The following XAB2 variants were observed in gnomAD, a reference collection of about 807,000 sequenced individuals.
XAB2 encodes pre-mRNA-splicing factor SYF1.
In XAB2, 57 loss-of-function variants were observed where a neutral mutation model predicts 113.4. That is an observed-to-expected ratio of 0.50 (90% CI 0.41 to 0.63). The LOEUF (loss-of-function observed/expected upper bound fraction) is 0.63, where lower values mean the gene tolerates loss of function less well. XAB2 is among the 20% of genes least tolerant of loss of function. The pLI, the probability that XAB2 is intolerant of heterozygous loss-of-function variation, is 0.00. For missense variants in XAB2, 1,037 were observed against 1,233.3 expected (o/e 0.84, Z 2.38); for synonymous variants, 497 against 498.8 (o/e 1.00, Z 0.05).
In XAB2 at chr19:7,620,047, G is replaced by A; in HGVS notation, c.2295C>T (p.Gly765=). 1 of 1,612,238 alleles carries A rather than the reference G, an allele frequency of 6.2e-7. No individual in the cohort carries two copies. The highest frequency in any genetic ancestry group is 8.5e-7 in the Non-Finnish European group (1 of 1,179,980). The part of the protein sequence containing the change: ...TVSDLAPGQS[G]MDDMKLLEQR... Reference sequence around the variant, plus strand: ...GTTCCAGCAGCTTCATGTCGTCCATGCCACTCTGCCCAGGGGCCAGGTCAG... The same window carrying A: ...GTTCCAGCAGCTTCATGTCGTCCATACCACTCTGCCCAGGGGCCAGGTCAG... Residue 765 remains glycine (G), a synonymous_variant, in exon 17 of 19, where the codon GGC becomes GGT. Transcript: ENST00000358368.
At position 7,624,490 on chromosome 19, in the gene XAB2, G is replaced by C. The variant is rs777056409; in HGVS notation, c.823-45C>G. 8.7e-6 allele frequency: 14 copies of C among 1,612,034 alleles called. No individual in the cohort carries two copies. The South Asian group carries it at 1.2e-4, about 14-fold the overall frequency. On this transcript the variant is annotated intron_variant, in intron 6 of 18. Transcript: ENST00000358368. The surrounding 1 kb of genome is among the most constrained non-coding windows in gnomAD (Gnocchi z 4.2). ...GGGAGGTGAGAGGAAAGTGGCGCAG[G>C]GGACAGGCAGCAGCACTCTTAGCAC...
rs1306910347 is a variant in XAB2 at position 7,628,971 on chromosome 19, GAGTA to G, written c.51+502_51+505del. On this transcript the variant is annotated intron_variant, in intron 1 of 18. Coordinates refer to ENST00000358368, the MANE Select transcript of XAB2 (RefSeq NM_020196.3). The surrounding 1 kb of genome is among the most constrained non-coding windows in gnomAD (Gnocchi z 4.6). ...GAAGATGTCACGCCTCTACTCCAGA[GAGTA>G]AGTATTTCACTGGCCATCGCCTGAC... Among the ~76,000 whole-genome samples the G allele has an allele frequency of 5.9e-5, 9 of 152,210 alleles. No homozygotes were observed. The highest frequency in any genetic ancestry group is 2.2e-4 in the African/African-American group (9 of 41,448).
Position 7,626,197 on chromosome 19 carries a change from C to T in XAB2, c.596G>A (p.Arg199His), listed in dbSNP as rs759530793. The change falls in exon 5 of 19, where the codon CGC becomes CAC. Residue 199 changes from arginine (R) to histidine (H), a missense_variant. Transcript: ENST00000358368. Reference protein sequence around the residue: ...SSDRLDEAAQRLATVVNDERF... With the variant: ...SSDRLDEAAQHLATVVNDERF... The stretch of plus-strand genomic sequence containing the variant: ...CTCGTCGTTCACCACGGTGGCCAGG[C>T]GCTGGGCGGCCTCATCCAGCCGGTC... 8 of 1,613,688 alleles carry T rather than the reference C, an allele frequency of 5.0e-6. No homozygotes were observed. Among genetic ancestry groups the T allele is most frequent in the South Asian group, 2.2e-5 (2 of 91,086 alleles).
intron 1 of XAB2, 97 bp downstream of exon 1, chr19:7,629,380 C>T: frequency 2.1e-6 from 3 of 1,456,722 alleles, no homozygotes; most frequent in Non-Finnish European, 2.8e-6. Flanking sequence ...CTGGCAGTTT[C>T]GGCCTAAATC....
At position 7,625,969 on chromosome 19, in the gene XAB2, G is replaced by A. The variant is rs762436456; in HGVS notation, c.733C>T (p.Arg245Cys). The A allele has an allele frequency of 2.5e-5, 41 of 1,613,700 alleles. No homozygotes were observed. Among genetic ancestry groups the A allele is most frequent in the Admixed American group, 6.7e-5 (4 of 59,970 alleles). The change falls in exon 6 of 19, where the codon CGC (arginine) becomes TGC (cysteine). Residue 245 changes from arginine to cysteine, a missense_variant. Transcript: ENST00000358368. This position sits in a 1 kb window ranked among gnomAD's most constrained non-coding sequence, Gnocchi z 5.2. ...VQSLNVDAIIRGGLTRFTDQL... is the reference protein window; with the variant it reads ...VQSLNVDAIICGGLTRFTDQL... ...TCGGTGAAGCGGGTGAGGCCCCCGC[G>A]GATGATGGCGTCCACATTGAGGGAC...
chr19:7,621,592 G>A (rs1293228236), intron 12 of XAB2: 14 of 446,116 alleles, frequency 3.1e-5, no homozygotes, highest in Admixed American at 3.7e-5. Flanking sequence ...GACGCTGGCT[G>A]CCTGTCCCCA....
chr19:7,625,473 CTTTTTT>C lies in XAB2; in HGVS notation c.822+401_822+406del. 9.5e-6 allele frequency among the ~76,000 whole-genome samples: 1 copy of C among 105,320 alleles called. No homozygotes were observed. The highest frequency in any genetic ancestry group is 2.6e-4 in the East Asian group (1 of 3,808). The allele number at this position is 105,320 out of a possible 152,430, so 69.1% of individuals were successfully genotyped here. On this transcript the variant is annotated intron_variant, in intron 6 of 18. Transcript: ENST00000358368. The surrounding 1 kb of genome is among the most constrained non-coding windows in gnomAD (Gnocchi z 5.2). ...ATATGCATGTCTGTCAAAAATGGCA[CTTTTTT>C]TTTTTTTTTTTTTTTTTGAGATGGA...
Position 7,626,036 on chromosome 19 carries a change from G to A in XAB2, c.666C>T (p.His222=), listed in dbSNP as rs758501838. ...KAGKSNYQLW[H]ELCDLISQNP... ...TCTGGGAGATGAGGTCGCACAGCTCGTGCCACAGCTGCAGGGCATGGGGCA... is the reference window on the plus strand; with the variant it reads ...TCTGGGAGATGAGGTCGCACAGCTCATGCCACAGCTGCAGGGCATGGGGCA... Residue 222 remains histidine (H), a synonymous_variant, in exon 6 of 19, where the codon CAC becomes CAT. Transcript: ENST00000358368. 48 of 1,609,304 alleles carry A rather than the reference G, an allele frequency of 3.0e-5. No individual in the cohort carries two copies. Among genetic ancestry groups the A allele is most frequent in the South Asian group, 1.4e-4 (13 of 90,806 alleles).
Position 7,623,679 on chromosome 19 carries a change from G to A in XAB2, c.1119+52C>T. 3.3e-6 allele frequency: 5 copies of A among 1,532,156 alleles called. No homozygotes were observed. Among genetic ancestry groups the A allele is most frequent in the Non-Finnish European group, 4.4e-6 (5 of 1,144,916 alleles). The allele number at this position is 1,532,156 out of a possible 1,614,324, so 94.9% of individuals were successfully genotyped here. On this transcript the variant is annotated intron_variant, in intron 8 of 18. Transcript: ENST00000358368. The surrounding 1 kb of genome is among the most constrained non-coding windows in gnomAD (Gnocchi z 4.6). ...ATGGGTGAAGGTGGGTGGCTCCCCAGTTCTGCAGGAAACTGGCCCTCAGGG... is the reference window on the plus strand; with the variant it reads ...ATGGGTGAAGGTGGGTGGCTCCCCAATTCTGCAGGAAACTGGCCCTCAGGG...
chr19:7,621,180 G>A lies in XAB2; in HGVS notation c.1735C>T (p.Leu579=), dbSNP rs762050831. ...GGRKLERARD[L]FEQALDGCPP... is the part of the protein sequence containing the mutation. ...CAGCCGTCCAGAGCCTGTTCAAACAGGTCCCGTGCCCGCTCCAGCTTGCGG... is the reference window on the plus strand; with the variant it reads ...CAGCCGTCCAGAGCCTGTTCAAACAAGTCCCGTGCCCGCTCCAGCTTGCGG... Residue 579 remains leucine, a synonymous_variant, in exon 13 of 19, where the codon CTG becomes TTG. Coordinates refer to ENST00000358368, the MANE Select transcript of XAB2 (RefSeq NM_020196.3). 2.5e-6 allele frequency: 4 copies of A among 1,594,326 alleles called. No individual in the cohort carries two copies. The highest frequency in any genetic ancestry group is 3.4e-6 in the Non-Finnish European group (4 of 1,170,152).
rs1054303925 is a variant in XAB2 at position 7,624,599 on chromosome 19, C to T, written c.823-154G>A. On this transcript the variant is annotated intron_variant, in intron 6 of 18. Transcript: ENST00000358368. The surrounding 1 kb of genome is among the most constrained non-coding windows in gnomAD (Gnocchi z 4.2). ...GGTAGTGACCCCAGGACAGAGCCTC[C>T]GTGGAGCCTTCTCACCCCCGCCCTG... 9.2e-5 allele frequency among the ~76,000 whole-genome samples: 14 copies of T among 152,200 alleles called. No homozygotes were observed. Among genetic ancestry groups the T allele is most frequent in the African/African-American group, 7.2e-5 (3 of 41,528 alleles).
chr19:7,620,260 G>C lies in XAB2; in HGVS notation c.2266+15C>G, dbSNP rs145820901. 42,569 of 1,612,508 alleles carry C rather than the reference G, an allele frequency of 0.026. 689 individuals are homozygous for C. The highest frequency in any genetic ancestry group is 0.032 in the Non-Finnish European group (38,116 of 1,179,970). On this transcript the variant is annotated intron_variant, in intron 16 of 18. Transcript: ENST00000358368. ...ATGCCCTGGATCAGGAACTCAGCCAGCTGGGACGGCTCACCGGTGCCCGTG... is the reference window on the plus strand; with the variant it reads ...ATGCCCTGGATCAGGAACTCAGCCACCTGGGACGGCTCACCGGTGCCCGTG...
rs2031133423 is a variant in XAB2 at position 7,626,059 on chromosome 19, G to A, written c.658-15C>T. ...TCGTGCCACAGCTGCAGGGCATGGG[G>A]CAGTGGGGGAGAGTCTCAGGCTCAG... On this transcript the variant is annotated splice_polypyrimidine_tract_variant and intron_variant, in intron 5 of 18. Coordinates refer to ENST00000358368, the MANE Select transcript of XAB2 (RefSeq NM_020196.3). 2 of 1,608,540 alleles carry A rather than the reference G, an allele frequency of 1.2e-6. No homozygotes were observed. The highest frequency in any genetic ancestry group is 1.7e-6 in the Non-Finnish European group (2 of 1,175,892).
rs1433909705 is a variant in XAB2 at position 7,622,117 on chromosome 19, G to A, written c.1617+214C>T. Reference sequence around the variant, plus strand: ...ATAGGGAGAAGGCGGCTGTCTGTAAGCTAAGGAGAGAGGCCTCAGGAGGAA... The same window carrying A: ...ATAGGGAGAAGGCGGCTGTCTGTAAACTAAGGAGAGAGGCCTCAGGAGGAA... On this transcript the variant is annotated intron_variant, in intron 12 of 18. Transcript: ENST00000358368. The A allele has an allele frequency of 1.3e-5, 7 of 551,056 alleles. No homozygotes were observed. The East Asian group carries it at 2.2e-4, about 17-fold the overall frequency. 34.1% of individuals were successfully genotyped at this position (551,056 alleles called of 1,614,324 possible).
rs760230977 is a variant in XAB2, at chr19:7,627,379, G to A, written c.386C>T (p.Thr129Ile). ...FLMDQGRVTH[T>I]RRTFDRALRA... ...GAGGGCACGGTCGAAGGTGCGGCGG[G>A]TGTGTGTGACGCGCCCCTGGTCCAT... Residue 129 changes from threonine to isoleucine, a missense_variant, in exon 4 of 19, where the codon ACC (threonine) becomes ATC (isoleucine). Transcript: ENST00000358368. The surrounding 1 kb of genome is among the most constrained non-coding windows in gnomAD (Gnocchi z 4.5). 13 of 1,610,432 alleles carry A rather than the reference G, an allele frequency of 8.1e-6. No homozygotes were observed. Among genetic ancestry groups the A allele is most frequent in the Non-Finnish European group, 1.1e-5 (13 of 1,178,892 alleles).
Position 7,624,210 on chromosome 19 carries a change from C to G in XAB2, c.967+91G>C. 1 of 1,582,802 alleles carries G rather than the reference C, an allele frequency of 6.3e-7. No homozygotes were observed. Among genetic ancestry groups the G allele is most frequent in the South Asian group, 1.1e-5 (1 of 89,598 alleles). ...TCCCTGCTGGCCCCCAGCTGAGCCT[C>G]CCAGGGCTGCCTCACCTGAGATGTG... On this transcript the variant is annotated intron_variant, in intron 7 of 18. Coordinates refer to ENST00000358368, the MANE Select transcript of XAB2 (RefSeq NM_020196.3). The surrounding 1 kb of genome is among the most constrained non-coding windows in gnomAD (Gnocchi z 4.2).
In XAB2 at chr19:7,622,279, T is replaced by G. The variant is rs765212438; in HGVS notation, c.1617+52A>C. 357 of 1,576,200 alleles carry G rather than the reference T, an allele frequency of 2.3e-4. 2 individuals carry two copies. Among genetic ancestry groups the G allele is most frequent in the Non-Finnish European group, 3.8e-5 (44 of 1,146,414 alleles). ...AGATTCGTAAGTTGCTGAGGACCCC[T>G]GGGGAGGGGACACTGCCATCAGGGG... On this transcript the variant is annotated intron_variant, in intron 12 of 18. Coordinates refer to ENST00000358368, the MANE Select transcript of XAB2 (RefSeq NM_020196.3).
Position 7,623,387 on chromosome 19 carries a change from T to C in XAB2, c.1120-98A>G, listed in dbSNP as rs2031076487. On this transcript the variant is annotated intron_variant, in intron 8 of 18. Coordinates refer to ENST00000358368, the MANE Select transcript of XAB2 (RefSeq NM_020196.3). The surrounding 1 kb of genome is among the most constrained non-coding windows in gnomAD (Gnocchi z 4.6). ...CTGAGGGGTGGGGCCTGGAGGGTGC[T>C]GTGGCCCCTGTCGGGAGAGGCCAGA... 6.0e-6 allele frequency: 9 copies of C among 1,501,734 alleles called. No individual in the cohort carries two copies. The highest frequency in any genetic ancestry group is 8.1e-6 in the Non-Finnish European group (9 of 1,106,542). The allele number at this position is 1,501,734 out of a possible 1,614,324, so 93.0% of individuals were successfully genotyped here. A position where few individuals can be genotyped will look rare whatever the true frequency, so the allele number is the denominator to read the frequency against.
In XAB2 at chr19:7,620,657, C is replaced by A; in HGVS notation, c.1984G>T (p.Glu662Ter). ...CGCAGGCACATCTCACGCGCGTGCT[C>A]GTCCGACAGCACCTGGACACCGGGG... ...YQKAIEVLSD[E>*]HAREMCLRFA... The change falls in exon 15 of 19, where the codon GAG becomes TAG. Residue 662 changes from glutamate (E) to a stop codon, truncating the protein, a stop_gained. Coordinates refer to ENST00000358368, the MANE Select transcript of XAB2 (RefSeq NM_020196.3). LOFTEE classifies it high-confidence loss of function. 6.2e-7 allele frequency: 1 copy of A among 1,612,796 alleles called. No homozygotes were observed. Among genetic ancestry groups the A allele is most frequent in the Non-Finnish European group, 8.5e-7 (1 of 1,179,898 alleles).
Sources: gnomAD v4.1 joint callset for allele counts (sites outside exome capture counted in the v4.1 genomes callset) on GRCh38, gnomAD v4.1.1 for gene constraint, Gnocchi (gnomAD v3.1) non-coding constraint, MANE v1.5 for transcripts, NCBI Gene and HGNC (gene_info 2026-07-23, HGNC 2026-07-21) for gene names.